The following RBM4B variants were observed in gnomAD, a reference collection of about 807,000 sequenced individuals.
RBM4B encodes RNA binding motif protein 4B.
In RBM4B, 13 loss-of-function variants were observed where a neutral mutation model predicts 28.5. That is an observed-to-expected ratio of 0.46 (90% CI 0.30 to 0.72). RBM4B has a LOEUF of 0.72. Among genes scored for constraint, RBM4B ranks in the 30% least tolerant of loss-of-function variants. RBM4B has a pLI of 0.09. For missense variants in RBM4B, 387 were observed against 477.6 expected (o/e 0.81, Z 1.77); for synonymous variants, 167 against 179.1 (o/e 0.93, Z 0.54).
intron 2 of RBM4B, among the ~76,000 whole-genome samples, chr11:66,673,239 T>C (rs1379852904): frequency 6.6e-6 from 1 of 151,912 alleles, no homozygotes; most frequent in Admixed American, 6.6e-5. Flanking sequence ...AGCTGCCTGA[T>C]TGTTATTTGG....
At chr11:66,676,455 A>G (rs1021259135) in intron 2 of RBM4B, 31 of 622,542 alleles carry the variant, frequency 5.0e-5, no homozygotes, top group African/African-American at 4.6e-4. Context: ...TTGTGATTCT[A>G]TGCAGTCGGT....
intron 3 of RBM4B, 97 bp from the exon 4 acceptor site, chr11:66,665,675 GA>G (rs1269175730): frequency 3.7e-5 from 55 of 1,497,648 alleles, no homozygotes; most frequent in Middle Eastern, 3.4e-4. Flanking sequence ...ATTCCGGGGG[GA>G]AAAAAAAGAA....
chr11:66,672,353 T>C (rs969622336), intron 2 of RBM4B, among the ~76,000 whole-genome samples: 1 of 126,642 alleles, frequency 7.9e-6, no homozygotes, highest in Admixed American at 1.1e-4. Context: ...GAGGCTGCAG[T>C]GAGCTGAGAT....
At chr11:66,666,160 C>G in intron 3 of RBM4B, 3 of 768,608 alleles carry the variant, frequency 3.9e-6, no homozygotes, top group Non-Finnish European at 5.7e-6. Flanking sequence ...CCCTAATTGA[C>G]CAAATCTCCC....
At chr11:66,669,599 G>A (rs1565093750) in intron 2 of RBM4B, among the ~76,000 whole-genome samples, 1 of 152,030 alleles carries the variant, frequency 6.6e-6, no homozygotes. Flanking sequence ...GGCATGCGCT[G>A]CCATGCCTGG....
At chr11:66,669,401 C>T (rs1218684837) in intron 2 of RBM4B, 110 bp from the exon 3 acceptor site, 8 of 1,021,762 alleles carry the variant, frequency 7.8e-6, no homozygotes, top group Non-Finnish European at 1.0e-5. Flanking sequence ...GACGCACACA[C>T]CTGTGACCCT....
chr11:66,667,855 T>TC (rs1344967133), intron 3 of RBM4B: 3 of 151,862 alleles, frequency 2.0e-5, no homozygotes, highest in African/African-American at 7.3e-5. Context: ...TCACAGGTGC[T>TC]CCCCATCACA....
chr11:66,673,633 AT>A (rs1314456896), intron 2 of RBM4B, among the ~76,000 whole-genome samples: 1 of 151,956 alleles, frequency 6.6e-6, no homozygotes, highest in Non-Finnish European at 1.5e-5. Context: ...TAATTTTTGT[AT>A]TTTTAGTAGA....
intron 2 of RBM4B, chr11:66,670,887 G>A: frequency 1.4e-6 from 1 of 702,242 alleles, no homozygotes; most frequent in Non-Finnish European, 2.6e-6. Flanking sequence ...GGACTGCTGA[G>A]AACAAATCCC....
At chr11:66,670,731 C>T (rs1939433432) in intron 2 of RBM4B, among the ~76,000 whole-genome samples, 1 of 151,702 alleles carries the variant, frequency 6.6e-6, no homozygotes, top group Non-Finnish European at 1.5e-5. Context: ...TCGCTTGAAC[C>T]TGGGAGGTGG....
intron 2 of RBM4B, among the ~76,000 whole-genome samples, chr11:66,673,942 A>G (rs962669026): frequency 3.9e-5 from 6 of 152,248 alleles, no homozygotes; most frequent in African/African-American, 1.2e-4. Context: ...AAACGTCTCT[A>G]TAACTAGGAG....
chr11:66,671,066 A>G (rs1014582763), intron 2 of RBM4B: 8 of 700,520 alleles, frequency 1.1e-5, no homozygotes, highest in African/African-American at 1.0e-4. Flanking sequence ...TAGTGTGGCA[A>G]TATCACTTTA....
intron 2 of RBM4B, 56 bp downstream of exon 2, chr11:66,676,612 G>T (rs750154572): frequency 5.1e-6 from 8 of 1,581,850 alleles, no homozygotes; most frequent in Non-Finnish European, 5.2e-6. Context: ...TTGTGTTCTT[G>T]CCTGTTTTGA....
intron 3 of RBM4B, chr11:66,666,213 T>C: frequency 1.2e-6 from 1 of 868,188 alleles, no homozygotes; most frequent in Non-Finnish European, 1.5e-6. Flanking sequence ...CTCTAATCCT[T>C]CTATTGATGA....
At chr11:66,666,312 T>C in intron 3 of RBM4B, 4 of 1,063,336 alleles carry the variant, frequency 3.8e-6, no homozygotes, top group Non-Finnish European at 4.6e-6. Flanking sequence ...GGCCAAATCT[T>C]GGTCTTGATC....
Position 66,669,019 on chromosome 11 carries a change from A to T in RBM4B, c.685T>A (p.Tyr229Asn). 1 of 1,614,216 alleles carries T rather than the reference A, an allele frequency of 6.2e-7. No homozygotes were observed. Among genetic ancestry groups the T allele is most frequent in the Non-Finnish European group, 8.5e-7 (1 of 1,180,040 alleles). ...GCTGCCGCCGCTGCTACTGCCTCATAAGAGCGGACCCGGTATCGCTTATAG... is the reference window on the plus strand; with the variant it reads ...GCTGCCGCCGCTGCTACTGCCTCATTAGAGCGGACCCGGTATCGCTTATAG... ...DYYKRYRVRS[Y>N]EAVAAAAAAS... is the part of the protein sequence containing the mutation. Residue 229 changes from tyrosine to asparagine, a missense_variant, in exon 3 of 4, where the codon TAT (tyrosine) becomes AAT (asparagine). Transcript: ENST00000310046.
intron 2 of RBM4B, 69 bp downstream of exon 2, chr11:66,676,599 G>C: frequency 1.3e-6 from 2 of 1,550,016 alleles, no homozygotes; most frequent in Non-Finnish European, 1.8e-6. Flanking sequence ...AAGTTCTATA[G>C]TCTTGTGTTC....
At position 66,665,069 on chromosome 11, in the gene RBM4B, A is replaced by G. The variant is rs1392434377; in HGVS notation, c.*519T>C. 6.5e-6 allele frequency: 1 copy of G among 152,856 alleles called. No individual in the cohort carries two copies. Among genetic ancestry groups the G allele is most frequent in the Non-Finnish European group, 1.5e-5 (1 of 68,518 alleles). The allele number at this position is 152,856 out of a possible 1,614,324, so 9.5% of individuals were successfully genotyped here. A position where few individuals can be genotyped will look rare whatever the true frequency, so the allele number is the denominator to read the frequency against. ...GGGAGGAGTGGAGTAAAACAAGGGTAAATTTCAGCTAATGCTGTACCACGA... is the reference window on the plus strand; with the variant it reads ...GGGAGGAGTGGAGTAAAACAAGGGTGAATTTCAGCTAATGCTGTACCACGA... On this transcript the variant is annotated 3_prime_UTR_variant, in exon 4 of 4. Coordinates refer to ENST00000310046, the MANE Select transcript of RBM4B (RefSeq NM_031492.4).
chr11:66,671,353 C>A (rs1427363747), intron 2 of RBM4B, among the ~76,000 whole-genome samples: 2 of 152,160 alleles, frequency 1.3e-5, no homozygotes, highest in African/African-American at 2.4e-5. Flanking sequence ...CAATTTATAT[C>A]TCAAATGCAT....
Sources: gnomAD v4.1 joint callset for allele counts (sites outside exome capture counted in the v4.1 genomes callset) on GRCh38, gnomAD v4.1.1 for gene constraint, MANE v1.5 for transcripts, NCBI Gene and HGNC (gene_info 2026-07-23, HGNC 2026-07-21) for gene names.